Variants in UGGT1 observed in about 807,000 individuals in gnomAD.
UGGT1 encodes UDP-glucose:glycoprotein glucosyltransferase 1.
UGGT1 carries 107 observed loss-of-function variants against 203.9 expected under a neutral mutation model. The observed-to-expected ratio is 0.52, with a 90% CI of 0.45 to 0.62. UGGT1 has a LOEUF of 0.62. Ranked by LOEUF, UGGT1 falls within the 20% of genes least tolerant of loss-of-function variation. UGGT1 has a pLI of 0.00. For missense variants in UGGT1, 1,673 were observed against 1,867.2 expected (o/e 0.90, Z 1.92); for synonymous variants, 628 against 653.5 (o/e 0.96, Z 0.59).
chr2:128,136,945 C>T (rs1481125138), intron 15 of UGGT1, among the ~76,000 whole-genome samples: 7 of 152,118 alleles, frequency 4.6e-5, no homozygotes, highest in African/African-American at 9.7e-5. Flanking sequence ...TTTAATTTGC[C>T]GTTCCCTAAT....
chr2:128,115,266 T>A, intron 7 of UGGT1, 46 bp downstream of exon 7: 1 of 1,516,142 alleles, frequency 6.6e-7, no homozygotes, highest in Non-Finnish European at 9.1e-7. Flanking sequence ...CAAATATGAG[T>A]TAAAGGGGAG....
intron 4 of UGGT1, among the ~76,000 whole-genome samples, chr2:128,108,971 G>T (rs71420827): frequency 2.0e-5 from 3 of 151,760 alleles, no homozygotes; most frequent in Non-Finnish European, 2.9e-5. Context: ...GTGCAGTGGC[G>T]CAATCACAGC....
At chr2:128,148,797 A>C (rs538933857) in intron 18 of UGGT1, among the ~76,000 whole-genome samples, 5 of 151,810 alleles carry the variant, frequency 3.3e-5, no homozygotes, top group Non-Finnish European at 7.4e-5. Flanking sequence ...GTGTTAGCCC[A>C]TGTGTTATCT....
chr2:128,183,144 C>A (rs921554651), intron 37 of UGGT1, among the ~76,000 whole-genome samples: 15 of 152,196 alleles, frequency 9.9e-5, no homozygotes, highest in African/African-American at 3.6e-4. Flanking sequence ...TGTGTTGTTA[C>A]ATTTCTAATG....
chr2:128,091,230 T>C lies in UGGT1; in HGVS notation c.-128T>C, dbSNP rs962912720. 4.7e-6 allele frequency: 5 copies of C among 1,060,844 alleles called. No individual in the cohort carries two copies. The highest frequency in any genetic ancestry group is 6.5e-6 in the Non-Finnish European group (5 of 767,310). 65.7% of individuals were successfully genotyped at this position (1,060,844 alleles called of 1,614,324 possible). ...GGCAATTGCTTTGCGAGGCTGGGTG[T>C]TGAGTCGAGCCGCGGGAAAGGCGCG... On this transcript the variant is annotated 5_prime_UTR_variant, in exon 1 of 41. Coordinates refer to ENST00000259253, the MANE Select transcript of UGGT1 (RefSeq NM_020120.4).
chr2:128,132,596 T>C (rs959898531), intron 13 of UGGT1, among the ~76,000 whole-genome samples: 3 of 152,232 alleles, frequency 2.0e-5, no homozygotes, highest in African/African-American at 7.2e-5. Flanking sequence ...CTTTTATTTT[T>C]ATGTCTTCTT....
intron 11 of UGGT1, among the ~76,000 whole-genome samples, chr2:128,124,967 T>G (rs1243966536): frequency 6.6e-6 from 1 of 152,164 alleles, no homozygotes; most frequent in Non-Finnish European, 1.5e-5. Flanking sequence ...GTCCTAATGA[T>G]GTGGCTTTGT....
At chr2:128,115,331 A>C in intron 7 of UGGT1, 111 bp downstream of exon 7, 1 of 951,858 alleles carries the variant, frequency 1.1e-6, no homozygotes, top group South Asian at 1.6e-5. Flanking sequence ...CTGTGTTTGC[A>C]TCCTGGTTCT....
chr2:128,151,242 T>C, intron 18 of UGGT1: 1 of 598,424 alleles, frequency 1.7e-6, no homozygotes. Flanking sequence ...CCTCTTTTTG[T>C]TTCTGCTTGA....
intron 12 of UGGT1, 143 bp downstream of exon 12, chr2:128,127,595 A>G: frequency 1.6e-6 from 1 of 626,976 alleles, no homozygotes; most frequent in Non-Finnish European, 2.9e-6. Context: ...CGTAGGTAGT[A>G]GGCACATGCC....
chr2:128,096,506 G>T (rs1351729931), intron 1 of UGGT1, among the ~76,000 whole-genome samples: 1 of 152,158 alleles, frequency 6.6e-6, no homozygotes, highest in East Asian at 1.9e-4. Flanking sequence ...TATAATTTTA[G>T]TGTGTGCCTC....
chr2:128,187,501 T>C lies in UGGT1; in HGVS notation c.4529T>C (p.Val1510Ala). ...AAACTGGAAGCAGCTGTGCGGATTG[T>C]CCCGGAGTGGCAGGACTACGACCAA... ...EPKLEAAVRI[V>A]PEWQDYDQEI... Residue 1510 changes from valine to alanine, a missense_variant, in exon 40 of 41, where the codon GTC (valine) becomes GCC (alanine). By Grantham distance (64) the Val-to-Ala change is moderately conservative (BLOSUM62 0). Coordinates refer to ENST00000259253, the MANE Select transcript of UGGT1 (RefSeq NM_020120.4). 1 of 1,614,116 alleles carries C rather than the reference T, an allele frequency of 6.2e-7. No homozygotes were observed. Among genetic ancestry groups the C allele is most frequent in the Admixed American group, 1.7e-5 (1 of 60,004 alleles).
At position 128,181,428 on chromosome 2, in the gene UGGT1, C is replaced by T. The variant is rs537880704; in HGVS notation, c.4083+356C>T. Among the ~76,000 whole-genome samples, 111 of 152,264 alleles carry T rather than the reference C, an allele frequency of 7.3e-4. 1 individual carries two copies. The highest frequency in any genetic ancestry group is 1.5e-3 in the South Asian group (7 of 4,822). On this transcript the variant is annotated intron_variant, in intron 36 of 40. Coordinates refer to ENST00000259253, the MANE Select transcript of UGGT1 (RefSeq NM_020120.4). ...AGGAGTTATTGTCATGGGTAATAGA[C>T]GAAGCTTAAGTGGATACATGGCTTT... is the stretch of plus-strand genomic sequence containing the variant.
At position 128,178,514 on chromosome 2, in the gene UGGT1, G is replaced by A. The variant is rs1691514720; in HGVS notation, c.3760G>A (p.Asp1254Asn). 1.9e-6 allele frequency: 3 copies of A among 1,613,678 alleles called. No individual in the cohort carries two copies. Among genetic ancestry groups the A allele is most frequent in the East Asian group, 4.5e-5 (2 of 44,884 alleles). The change falls in exon 34 of 41, where the codon GAC (aspartate) becomes AAC (asparagine). Residue 1254 changes from aspartate (D) to asparagine (N), a missense_variant. Physicochemically the swap from Asp to Asn is conservative, Grantham distance 23. Transcript: ENST00000259253. Reference protein sequence around the residue: ...KTEEVKQDKDDIINIFSVASG... With the variant: ...KTEEVKQDKDNIINIFSVASG... The stretch of plus-strand genomic sequence containing the variant: ...TGAGGAAGTGAAGCAAGATAAAGAT[G>A]ACATAATTAATATTTTCTCCGTTGC...
Position 128,133,137 on chromosome 2 carries a change from G to A in UGGT1, c.1378-4G>A, listed in dbSNP as rs770573326. ...CATGTATCCTGTTGTGTTATTTTTT[G>A]TAGTGGGTCAACAACCTGGAGGTTG... On this transcript the variant is annotated splice_polypyrimidine_tract_variant and splice_region_variant and intron_variant, in intron 13 of 40. Transcript: ENST00000259253. 1.9e-5 allele frequency: 30 copies of A among 1,613,394 alleles called. No homozygotes were observed. The highest frequency in any genetic ancestry group is 2.5e-5 in the Non-Finnish European group (30 of 1,179,582).
intron 38 of UGGT1, 127 bp from the exon 39 acceptor site, chr2:128,186,556 G>A (rs1338167835): frequency 1.1e-5 from 7 of 613,236 alleles, no homozygotes; most frequent in Non-Finnish European, 1.8e-5. Context: ...GCAGTGAGCC[G>A]AGATCGTACT....
At chr2:128,098,012 C>T (rs528977059) in intron 2 of UGGT1, among the ~76,000 whole-genome samples, 3 of 152,182 alleles carry the variant, frequency 2.0e-5, no homozygotes, top group Non-Finnish European at 4.4e-5. Context: ...CGGAAGTGCC[C>T]CACCACACCC....
chr2:128,141,763 A>G (rs927052173), intron 16 of UGGT1, among the ~76,000 whole-genome samples: 9 of 151,270 alleles, frequency 5.9e-5, no homozygotes, highest in African/African-American at 2.2e-4. Flanking sequence ...GTGAGCCAAG[A>G]TGGTGCCATT....
In UGGT1 at chr2:128,171,260, A is replaced by G; in HGVS notation, c.3080A>G (p.Lys1027Arg). ...AGAGTATTTATGAACTGCCAATCCA[A>G]ACTTTCTGACATGCCTTTAAAAAGG... ...NLRVFMNCQSKLSDMPLKSFY... is the reference protein window; with the variant it reads ...NLRVFMNCQSRLSDMPLKSFY... Residue 1027 changes from lysine to arginine, a missense_variant, in exon 28 of 41, where the codon AAA (lysine) becomes AGA (arginine). Lys to Arg is a conservative substitution (Grantham distance 26, BLOSUM62 2). Coordinates refer to ENST00000259253, the MANE Select transcript of UGGT1 (RefSeq NM_020120.4). The G allele has an allele frequency of 1.9e-6, 3 of 1,613,636 alleles. No homozygotes were observed. The highest frequency in any genetic ancestry group is 2.2e-5 in the South Asian group (2 of 90,896).
Sources: gnomAD v4.1 joint callset for allele counts (sites outside exome capture counted in the v4.1 genomes callset) on GRCh38, gnomAD v4.1.1 for gene constraint, MANE v1.5 for transcripts, NCBI Gene and HGNC (gene_info 2026-07-23, HGNC 2026-07-21) for gene names.